The following SLC38A1 variants were observed in gnomAD, a reference collection of about 807,000 sequenced individuals.
The protein encoded by SLC38A1 is solute carrier family 38 member 1.
A neutral mutation model predicts 60.3 loss-of-function variants in SLC38A1; 18 were observed. That is an observed-to-expected ratio of 0.30 (90% CI 0.21 to 0.44). SLC38A1 has a LOEUF of 0.44. Ranked by LOEUF, SLC38A1 falls within the 20% of genes least tolerant of loss-of-function variation. The probability of loss-of-function intolerance (pLI) is 1.00; values close to 1 mark genes in which losing one functional copy is unlikely to be tolerated. For synonymous variants in SLC38A1, 196 were observed against 212.1 expected, an observed-to-expected ratio of 0.92 and a Z score of 0.66; for missense variants, 448 against 587.2, an observed-to-expected ratio of 0.76 and a Z score of 2.45.
At chr12:46,234,694 G>A (rs1209858852) in intron 3 of SLC38A1, among the ~76,000 whole-genome samples, 1 of 151,896 alleles carries the variant, frequency 6.6e-6, no homozygotes, top group African/African-American at 2.4e-5. Context: ...TGATCCGCCC[G>A]CCTCGGCCTC....
At chr12:46,246,676 G>A (rs1293044983) in intron 1 of SLC38A1, among the ~76,000 whole-genome samples, 1 of 152,232 alleles carries the variant, frequency 6.6e-6, no homozygotes, top group Admixed American at 6.5e-5. Context: ...CATGATGTTT[G>A]AGCTCTGAGA....
intron 9 of SLC38A1, among the ~76,000 whole-genome samples, chr12:46,205,046 C>T (rs1356953046): frequency 6.6e-6 from 1 of 152,098 alleles, no homozygotes; most frequent in Non-Finnish European, 1.5e-5. Context: ...ACTTTTCTCC[C>T]CAGATGACAG....
chr12:46,199,027 G>C (rs1200692349), intron 13 of SLC38A1, among the ~76,000 whole-genome samples: 1 of 151,810 alleles, frequency 6.6e-6, no homozygotes, highest in African/African-American at 2.4e-5. Context: ...CACTGGGCTC[G>C]AGAATGAAAC....
chr12:46,200,891 A>G (rs1229872886), intron 13 of SLC38A1, among the ~76,000 whole-genome samples: 1 of 152,222 alleles, frequency 6.6e-6, no homozygotes, highest in South Asian at 2.1e-4. Flanking sequence ...GAAAAAAATT[A>G]TAAATATTGT....
At chr12:46,237,487 AAAAC>A (rs1228276446) in intron 3 of SLC38A1, among the ~76,000 whole-genome samples, 3 of 150,210 alleles carry the variant, frequency 2.0e-5, no homozygotes, top group African/African-American at 2.5e-5. Flanking sequence ...GAAATAAAGA[AAAAC>A]AAACAAACAA....
chr12:46,208,969 A>G lies in SLC38A1; in HGVS notation c.388+85T>C, dbSNP rs78363391. Reference sequence around the variant, plus strand: ...TTCTTTTTAATAATCAAATTGCTGTACAGAGAGAACATCATTGTTCCACAA... The same window carrying G: ...TTCTTTTTAATAATCAAATTGCTGTGCAGAGAGAACATCATTGTTCCACAA... On this transcript the variant is annotated intron_variant, in intron 6 of 16. Transcript: ENST00000398637. 1,867 of 934,994 alleles carry G rather than the reference A, an allele frequency of 2.0e-3. 26 individuals are homozygous for G. In the African/African-American group the frequency reaches 0.027, roughly 14 times the overall value. The allele number at this position is 934,994 out of a possible 1,614,324, so 57.9% of individuals were successfully genotyped here.
chr12:46,219,456 C>T (rs770666151), intron 5 of SLC38A1, among the ~76,000 whole-genome samples: 13 of 152,162 alleles, frequency 8.5e-5, no homozygotes, highest in Non-Finnish European at 1.8e-4. Flanking sequence ...TAGCCAGCCA[C>T]ACAAAAGGAG....
chr12:46,265,076 A>G (rs966785531), intron 1 of SLC38A1, among the ~76,000 whole-genome samples: 5 of 152,262 alleles, frequency 3.3e-5, no homozygotes, highest in Admixed American at 3.3e-4. Flanking sequence ...GTTTAATTCA[A>G]TACATATGGA....
chr12:46,230,344 G>T (rs925970850), intron 3 of SLC38A1, among the ~76,000 whole-genome samples: 8 of 152,164 alleles, frequency 5.3e-5, no homozygotes, highest in African/African-American at 1.2e-4. Flanking sequence ...GGGAGGCAAG[G>T]CATATGGTCG....
At chr12:46,265,340 C>T (rs1011119404) in intron 1 of SLC38A1, among the ~76,000 whole-genome samples, 1 of 152,144 alleles carries the variant, frequency 6.6e-6, no homozygotes, top group African/African-American at 2.4e-5. Flanking sequence ...AACAACAGTC[C>T]AAAATGTGAA....
At chr12:46,232,481 G>A (rs1214578651) in intron 3 of SLC38A1, among the ~76,000 whole-genome samples, 1 of 152,244 alleles carries the variant, frequency 6.6e-6, no homozygotes, top group Admixed American at 6.5e-5. Context: ...GCTAATAACT[G>A]CTTTGGCTTT....
At chr12:46,245,109 T>C (rs1243002832) in intron 1 of SLC38A1, among the ~76,000 whole-genome samples, 1 of 152,176 alleles carries the variant, frequency 6.6e-6, no homozygotes, top group Non-Finnish European at 1.5e-5. Context: ...TCTTAAACAA[T>C]ACCACTGCAT....
intron 1 of SLC38A1, among the ~76,000 whole-genome samples, chr12:46,244,676 G>A (rs558423961): frequency 6.4e-4 from 97 of 152,326 alleles, no homozygotes; most frequent in African/African-American, 2.2e-3. Context: ...CTTCCTGAAG[G>A]AGGCACAGAT....
At position 46,209,084 on chromosome 12, in the gene SLC38A1, T is replaced by C; in HGVS notation, c.358A>G (p.Asn120Asp). The part of the protein sequence containing the change: ...SVTLLSIYSI[N>D]LLLICSKETG... ...TCTTTTGAACAGATCAATAGGAGGT[T>C]TATTGAATATATAGACAGCAATGTC... The change falls in exon 6 of 17, where the codon AAC (asparagine) becomes GAC (aspartate). Residue 120 changes from asparagine (N) to aspartate (D), a missense_variant. Around this residue, in one of 2 missense-constraint regions of SLC38A1, gnomAD observed 346 missense variants for 497.5 expected, o/e 0.70. Coordinates refer to ENST00000398637, the MANE Select transcript of SLC38A1 (RefSeq NM_030674.4). 1.2e-6 allele frequency: 2 copies of C among 1,612,082 alleles called. No homozygotes were observed. Among genetic ancestry groups the C allele is most frequent in the Non-Finnish European group, 1.7e-6 (2 of 1,178,872 alleles).
chr12:46,197,676 G>T, intron 16 of SLC38A1, 44 bp downstream of exon 16: 1 of 1,264,406 alleles, frequency 7.9e-7, no homozygotes, highest in Non-Finnish European at 1.1e-6. Context: ...AAATTTAAAT[G>T]GAAAACTAAT....
intron 5 of SLC38A1, among the ~76,000 whole-genome samples, chr12:46,221,071 C>T (rs750842652): frequency 3.3e-5 from 5 of 152,020 alleles, no homozygotes; most frequent in Admixed American, 6.6e-5. Flanking sequence ...TTATATTTTT[C>T]GACTTATCCT....
At chr12:46,191,680 A>G (rs1939152024) in intron 16 of SLC38A1, among the ~76,000 whole-genome samples, 3 of 152,110 alleles carry the variant, frequency 2.0e-5, no homozygotes, top group Admixed American at 2.0e-4. Context: ...TAGGTATTTT[A>G]TTCTCTTCAG....
At chr12:46,253,311 T>G (rs781590496) in intron 1 of SLC38A1, among the ~76,000 whole-genome samples, 11 of 152,142 alleles carry the variant, frequency 7.2e-5, no homozygotes, top group Non-Finnish European at 1.5e-4. Flanking sequence ...GCAAGATTAT[T>G]AAGAAAGTAA....
chr12:46,231,728 T>C (rs372166804), intron 3 of SLC38A1, among the ~76,000 whole-genome samples: 7 of 152,172 alleles, frequency 4.6e-5, no homozygotes, highest in East Asian at 3.9e-4. Flanking sequence ...CAATCTCCAC[T>C]TCCCAGGCTC....
Sources: allele counts gnomAD v4.1 joint callset (sites outside exome capture counted in the v4.1 genomes callset), GRCh38; gene constraint gnomAD v4.1.1; regional missense constraint gnomAD v4.1.1; transcripts MANE v1.5; gene names NCBI Gene and HGNC (gene_info 2026-07-23, HGNC 2026-07-21).